IL1RAPL1: variants seen among roughly 807,000 people sequenced by gnomAD.
The protein encoded by IL1RAPL1 is interleukin-1 receptor accessory protein-like 1.
In IL1RAPL1, 3 loss-of-function variants were observed where a neutral mutation model predicts 48.4. The ratio of observed to expected loss-of-function variants is 0.06; its 90% CI spans 0.03 to 0.16. The LOEUF is 0.16. Among genes scored for constraint, IL1RAPL1 ranks in the 10% least tolerant of loss-of-function variants. The probability of loss-of-function intolerance (pLI) is 1.00; values close to 1 mark genes in which losing one functional copy is unlikely to be tolerated. For synonymous variants in IL1RAPL1, 185 were observed against 187.7 expected, an observed-to-expected ratio of 0.99 and a Z score of 0.12; for missense variants, 349 against 530.6, an observed-to-expected ratio of 0.66 and a Z score of 3.36.
rs1412542232 is a variant in IL1RAPL1 at position 28,729,301 on chromosome X, A to C, written c.-24-60019A>C. Reference sequence around the variant, plus strand: ...TAAGTACAAATTTAATAGCTTTTCTAGGTAGGACTCCAGAATTAGTGCATG... The same window carrying C: ...TAAGTACAAATTTAATAGCTTTTCTCGGTAGGACTCCAGAATTAGTGCATG... On this transcript the variant is annotated intron_variant, in intron 1 of 10. Transcript: ENST00000378993. Among the ~76,000 whole-genome samples the C allele has an allele frequency of 1.3e-4, 14 of 111,498 alleles. No individual in the cohort carries two copies. The Admixed American group carries it at 1.4e-3, about 11-fold the overall frequency.
chrX:28,978,261 C>G (rs760292237), intron 2 of IL1RAPL1, among the ~76,000 whole-genome samples: 1 of 111,136 alleles, frequency 9.0e-6, no homozygotes, highest in East Asian at 2.9e-4. Flanking sequence ...ACTGGTGATC[C>G]ACAGTGTTGG....
intron 5 of IL1RAPL1, among the ~76,000 whole-genome samples, chrX:29,496,469 C>CTTTTTT (rs60141942): frequency 1.4e-5 from 1 of 73,285 alleles, no homozygotes; most frequent in Non-Finnish European, 2.5e-5. Flanking sequence ...TTTCTTATTC[C>CTTTTTT]TTTTTTTTTT....
chrX:28,959,706 T>G (rs1011940216), intron 2 of IL1RAPL1, among the ~76,000 whole-genome samples: 5 of 112,285 alleles, frequency 4.5e-5, no homozygotes, highest in Admixed American at 9.5e-5. Context: ...TTTTGCATTC[T>G]GTAAATATTT....
In IL1RAPL1 at chrX:29,679,926, T is replaced by C. The variant is rs146310150; in HGVS notation, c.778+11422T>C. Among the ~76,000 whole-genome samples, 803 of 112,247 alleles carry C rather than the reference T, an allele frequency of 7.2e-3. 5 individuals are homozygous for C. Among genetic ancestry groups the C allele is most frequent in the African/African-American group, 0.025 (761 of 30,950 alleles). ...GCAGAAAGTACTGGATTGTATTTTCTTTCAGTCACTATGTGCATGACCTAA... is the reference window on the plus strand; with the variant it reads ...GCAGAAAGTACTGGATTGTATTTTCCTTCAGTCACTATGTGCATGACCTAA... On this transcript the variant is annotated intron_variant, in intron 6 of 10. Transcript: ENST00000378993.
At chrX:29,641,112 A>C (rs1925151760) in intron 5 of IL1RAPL1, among the ~76,000 whole-genome samples, 1 of 112,511 alleles carries the variant, frequency 8.9e-6, no homozygotes, top group Non-Finnish European at 1.9e-5. Context: ...TCAAGGCTAC[A>C]GTGAGTCACG....
chrX:28,681,954 C>G (rs1935064694), intron 1 of IL1RAPL1, among the ~76,000 whole-genome samples: 1 of 111,874 alleles, frequency 8.9e-6, no homozygotes, highest in East Asian at 2.8e-4. Context: ...GTCTTCATTT[C>G]CCTCTTGCTA....
chrX:29,557,961 G>A (rs1160838287), intron 5 of IL1RAPL1, among the ~76,000 whole-genome samples: 1 of 111,185 alleles, frequency 9.0e-6, no homozygotes, highest in African/African-American at 3.3e-5. Flanking sequence ...TATTGTTTAT[G>A]TATATTTGCT....
intron 6 of IL1RAPL1, among the ~76,000 whole-genome samples, chrX:29,724,721 G>C (rs968115377): frequency 1.8e-5 from 2 of 111,565 alleles, no homozygotes; most frequent in African/African-American, 6.5e-5. Context: ...TTAATACCTA[G>C]AGCCTCCACT....
intron 6 of IL1RAPL1, among the ~76,000 whole-genome samples, chrX:29,891,349 G>A (rs1023824308): frequency 8.9e-6 from 1 of 111,877 alleles, no homozygotes; most frequent in African/African-American, 3.3e-5. Context: ...ACTTTCCCTT[G>A]ATTCAAGATG....
chrX:29,307,633 A>G (rs1932645376), intron 3 of IL1RAPL1, among the ~76,000 whole-genome samples: 1 of 102,890 alleles, frequency 9.7e-6, no homozygotes, highest in South Asian at 4.1e-4. Flanking sequence ...GTTTATTTTG[A>G]TAAGTGGAAA....
intron 5 of IL1RAPL1, among the ~76,000 whole-genome samples, chrX:29,612,840 T>C (rs971590116): frequency 8.9e-5 from 10 of 112,300 alleles, no homozygotes; most frequent in African/African-American, 3.2e-4. Flanking sequence ...TATTTTATAA[T>C]TCTAATTTGA....
intron 2 of IL1RAPL1, among the ~76,000 whole-genome samples, chrX:29,242,222 A>G (rs1332967035): frequency 8.9e-6 from 1 of 112,728 alleles, no homozygotes; most frequent in Non-Finnish European, 1.9e-5. Context: ...GATGCTTTGT[A>G]TGTGCTAAAC....
intron 2 of IL1RAPL1, among the ~76,000 whole-genome samples, chrX:29,004,097 G>T (rs773469853): frequency 9.0e-6 from 1 of 110,862 alleles, no homozygotes; most frequent in African/African-American, 3.3e-5. Flanking sequence ...AGCCCAAATC[G>T]CACCACTACA....
At chrX:29,863,826 G>A (rs937778689) in intron 6 of IL1RAPL1, among the ~76,000 whole-genome samples, 1 of 108,976 alleles carries the variant, frequency 9.2e-6, no homozygotes, top group South Asian at 4.0e-4. Flanking sequence ...TCACTCTGTC[G>A]CTCAGGCTAG....
intron 2 of IL1RAPL1, among the ~76,000 whole-genome samples, chrX:29,104,149 G>T (rs759436959): frequency 8.9e-6 from 1 of 112,021 alleles, no homozygotes; most frequent in African/African-American, 3.2e-5. Flanking sequence ...GGAAATCAGT[G>T]TATTGAAGTG....
chrX:29,869,330 T>C (rs980819257), intron 6 of IL1RAPL1, among the ~76,000 whole-genome samples: 1 of 111,543 alleles, frequency 9.0e-6, no homozygotes, highest in African/African-American at 3.3e-5. Flanking sequence ...AGGGCCCACA[T>C]TCCCACTTCT....
At chrX:28,637,684 C>T (rs1265868681) in intron 1 of IL1RAPL1, among the ~76,000 whole-genome samples, 1 of 112,121 alleles carries the variant, frequency 8.9e-6, no homozygotes, top group Non-Finnish European at 1.9e-5. Flanking sequence ...GGAAAAAAGA[C>T]AAAGACTAGG....
Position 29,944,265 on chromosome X carries a change from A to G in IL1RAPL1, c.1201+2471A>G, listed in dbSNP as rs140092651. On this transcript the variant is annotated intron_variant, in intron 9 of 10. Transcript: ENST00000378993. Reference sequence around the variant, plus strand: ...TCAAATGGTTTTATGGGAAGAAATTATTACTAGAACCGCAATCACATGTTC... The same window carrying G: ...TCAAATGGTTTTATGGGAAGAAATTGTTACTAGAACCGCAATCACATGTTC... Among the ~76,000 whole-genome samples, 8 of 111,476 alleles carry G rather than the reference A, an allele frequency of 7.2e-5. No homozygotes were observed. The East Asian group carries it at 2.3e-3, about 32-fold the overall frequency.
intron 1 of IL1RAPL1, among the ~76,000 whole-genome samples, chrX:28,727,282 T>C (rs1935688127): frequency 1.8e-5 from 2 of 109,159 alleles, no homozygotes; most frequent in East Asian, 5.8e-4. Context: ...AGGTATTTTA[T>C]TCTCTTTGAA....
Sources: allele counts gnomAD v4.1 joint callset (sites outside exome capture counted in the v4.1 genomes callset), GRCh38; gene constraint gnomAD v4.1.1; transcripts MANE v1.5; gene names NCBI Gene and HGNC (gene_info 2026-07-23, HGNC 2026-07-21).